CYP7B1: variants seen among roughly 807,000 people sequenced by gnomAD.
The protein encoded by CYP7B1 is cytochrome P450 7B1.
Under a neutral mutation model 42.7 loss-of-function variants are expected in CYP7B1, and 29 were observed. The ratio of observed to expected loss-of-function variants is 0.68; its 90% CI spans 0.51 to 0.93. CYP7B1 has a LOEUF of 0.93. Ranked by LOEUF, CYP7B1 falls within the 40% of genes least tolerant of loss-of-function variation. The pLI is 0.00. For synonymous variants in CYP7B1, 235 were observed against 218.2 expected (o/e 1.08, Z -0.68); for missense variants, 655 against 600.5 (o/e 1.09, Z -0.95).
rs1312210320 is a variant in CYP7B1 at position 64,596,521 on chromosome 8, T to G, written c.*121A>C. On this transcript the variant is annotated 3_prime_UTR_variant, in exon 6 of 6. Coordinates refer to ENST00000310193, the MANE Select transcript of CYP7B1 (RefSeq NM_004820.5). ...CAAACTGGACTGATATCAGATCAAA[T>G]AGAAATTAGCGCTTTTTAAACAAAT... 1 of 1,044,868 alleles carries G rather than the reference T, an allele frequency of 9.6e-7. No individual in the cohort carries two copies. The highest frequency in any genetic ancestry group is 1.4e-6 in the Non-Finnish European group (1 of 724,450). The allele number at this position is 1,044,868 out of a possible 1,614,324, so 64.7% of individuals were successfully genotyped here.
chr8:64,606,347 C>T (rs1805281792), intron 4 of CYP7B1, among the ~76,000 whole-genome samples: 1 of 152,226 alleles, frequency 6.6e-6, no homozygotes, highest in Non-Finnish European at 1.5e-5. Context: ...AAGCAAGGCT[C>T]GGCCTCCCAT....
intron 1 of CYP7B1, among the ~76,000 whole-genome samples, chr8:64,671,286 G>A (rs10092618): frequency 0.63 from 95,996 of 151,854 alleles, 30,511 homozygotes; most frequent in Middle Eastern, 0.67. Context: ...AAAGGGTACA[G>A]GATAAAAGGG....
At chr8:64,603,179 C>G (rs1250674993) in intron 5 of CYP7B1, among the ~76,000 whole-genome samples, 1 of 152,106 alleles carries the variant, frequency 6.6e-6, no homozygotes, top group African/African-American at 2.4e-5. Context: ...CTTCTGATTA[C>G]TATTTGATTT....
chr8:64,752,852 CT>C (rs1249371949), intron 1 of CYP7B1, among the ~76,000 whole-genome samples: 1 of 152,140 alleles, frequency 6.6e-6, no homozygotes, highest in African/African-American at 2.4e-5. Context: ...CCATCAATGT[CT>C]TGTCTCTGAA....
intron 1 of CYP7B1, among the ~76,000 whole-genome samples, chr8:64,716,111 CTGT>C (rs1807150972): frequency 6.6e-6 from 1 of 152,162 alleles, no homozygotes; most frequent in African/African-American, 2.4e-5. Context: ...GCGTTAAGCA[CTGT>C]TTTTAGCTGT....
At chr8:64,767,397 A>G (rs1384694735) in intron 1 of CYP7B1, among the ~76,000 whole-genome samples, 2 of 152,244 alleles carry the variant, frequency 1.3e-5, no homozygotes, top group East Asian at 3.9e-4. Context: ...GGGACCCTCC[A>G]TTAGAAATGC....
At position 64,611,286 on chromosome 8, in the gene CYP7B1, C is replaced by T. The variant is rs147917764; in HGVS notation, c.1057+3740G>A. Reference sequence around the variant, plus strand: ...TCTTAATCACCTCCATGATCTTAGACGGGGTATTTAGCACCCTGAGAATTT... The same window carrying T: ...TCTTAATCACCTCCATGATCTTAGATGGGGTATTTAGCACCCTGAGAATTT... On this transcript the variant is annotated intron_variant, in intron 4 of 5. Transcript: ENST00000310193. Among the ~76,000 whole-genome samples, 8 of 152,196 alleles carry T rather than the reference C, an allele frequency of 5.3e-5. No homozygotes were observed. The East Asian group carries it at 1.4e-3, about 26-fold the overall frequency.
At chr8:64,648,080 G>T (rs1211913937) in intron 1 of CYP7B1, among the ~76,000 whole-genome samples, 1 of 152,146 alleles carries the variant, frequency 6.6e-6, no homozygotes, top group African/African-American at 2.4e-5. Context: ...GGTGACAAGG[G>T]CACATGGAAG....
At chr8:64,666,071 A>G (rs1806275657) in intron 1 of CYP7B1, among the ~76,000 whole-genome samples, 1 of 152,216 alleles carries the variant, frequency 6.6e-6, no homozygotes, top group South Asian at 2.1e-4. Flanking sequence ...ACAATGTTAA[A>G]TTAACTGTGA....
intron 1 of CYP7B1, among the ~76,000 whole-genome samples, chr8:64,646,361 C>T (rs1805954291): frequency 6.6e-6 from 1 of 151,872 alleles, no homozygotes. Flanking sequence ...AAGAAAAAAA[C>T]AAACAACCCC....
intron 1 of CYP7B1, among the ~76,000 whole-genome samples, chr8:64,761,433 T>C (rs1033872734): frequency 6.6e-6 from 1 of 152,126 alleles, no homozygotes; most frequent in Non-Finnish European, 1.5e-5. Context: ...TAAAACACCA[T>C]GTTAAACACT....
At chr8:64,682,545 A>T (rs886355210) in intron 1 of CYP7B1, among the ~76,000 whole-genome samples, 4 of 152,124 alleles carry the variant, frequency 2.6e-5, no homozygotes, top group African/African-American at 4.8e-5. Context: ...CTTTCTTCAA[A>T]CACTCTTTCT....
chr8:64,775,089 C>T (rs976351711), intron 1 of CYP7B1, among the ~76,000 whole-genome samples: 16 of 152,042 alleles, frequency 1.1e-4, no homozygotes, highest in African/African-American at 3.9e-4. Context: ...AACTGAGTTC[C>T]AATCTGATCT....
At chr8:64,720,014 C>T (rs1481702636) in intron 1 of CYP7B1, among the ~76,000 whole-genome samples, 1 of 152,178 alleles carries the variant, frequency 6.6e-6, no homozygotes, top group African/African-American at 2.4e-5. Context: ...CTGTGAACCT[C>T]TTAATAATAC....
chr8:64,654,505 C>T (rs1225053361), intron 1 of CYP7B1, among the ~76,000 whole-genome samples: 1 of 152,118 alleles, frequency 6.6e-6, no homozygotes, highest in Non-Finnish European at 1.5e-5. Context: ...CAAAACACTG[C>T]TCAAAGGAAT....
At chr8:64,681,029 G>C (rs1262248687) in intron 1 of CYP7B1, among the ~76,000 whole-genome samples, 2 of 152,076 alleles carry the variant, frequency 1.3e-5, no homozygotes, top group African/African-American at 4.8e-5. Flanking sequence ...TTTCTCACTG[G>C]AAATTATTTC....
At chr8:64,773,332 G>A (rs1345500816) in intron 1 of CYP7B1, among the ~76,000 whole-genome samples, 1 of 152,132 alleles carries the variant, frequency 6.6e-6, no homozygotes, top group East Asian at 1.9e-4. Context: ...TCTTTAGATA[G>A]GGCAAATAGC....
intron 1 of CYP7B1, among the ~76,000 whole-genome samples, chr8:64,767,801 C>T (rs1804131038): frequency 6.6e-6 from 1 of 152,172 alleles, no homozygotes; most frequent in Non-Finnish European, 1.5e-5. Context: ...TGTAAAACTA[C>T]AAATCGTTCT....
At chr8:64,765,011 T>C (rs1398704866) in intron 1 of CYP7B1, among the ~76,000 whole-genome samples, 1 of 151,370 alleles carries the variant, frequency 6.6e-6, no homozygotes, top group Non-Finnish European at 1.5e-5. Context: ...TATTCAGTAA[T>C]TGATAGGGAA....
Sources: gnomAD v4.1 joint callset for allele counts (sites outside exome capture counted in the v4.1 genomes callset) on GRCh38, gnomAD v4.1.1 for gene constraint, MANE v1.5 for transcripts, NCBI Gene and HGNC (gene_info 2026-07-23, HGNC 2026-07-21) for gene names.